The following RAD50 variants were observed in gnomAD, a reference collection of about 807,000 sequenced individuals.
RAD50 encodes the protein DNA repair protein RAD50.
In RAD50, 132 loss-of-function variants were observed where a neutral mutation model predicts 168.8. The ratio of observed to expected loss-of-function variants is 0.78; its 90% CI spans 0.68 to 0.90. The LOEUF (loss-of-function observed/expected upper bound fraction) is 0.90. Ranked by LOEUF, RAD50 falls within the 40% of genes least tolerant of loss-of-function variation. The probability of loss-of-function intolerance (pLI) is 0.00; values close to 1 mark genes in which losing one functional copy is unlikely to be tolerated. For synonymous variants in RAD50, 525 were observed against 497.4 expected (o/e 1.06, Z -0.74); for missense variants, 1,347 against 1,534.4 (o/e 0.88, Z 2.04).
intron 3 of RAD50, 115 bp from the exon 4 acceptor site, chr5:132,579,202 G>A: frequency 1.8e-6 from 2 of 1,091,962 alleles, no homozygotes; most frequent in Non-Finnish European, 2.7e-6. Context: ...TAACGGGATA[G>A]GTGAAGGGCC....
chr5:132,632,192 T>C (rs556390799), intron 21 of RAD50, among the ~76,000 whole-genome samples: 7 of 152,356 alleles, frequency 4.6e-5, no homozygotes, highest in East Asian at 1.9e-4. Flanking sequence ...GTGATTTTTT[T>C]CCTACCTTTG....
At chr5:132,585,125 T>C (rs1040749549) in intron 5 of RAD50, among the ~76,000 whole-genome samples, 2 of 152,194 alleles carry the variant, frequency 1.3e-5, no homozygotes, top group Admixed American at 6.5e-5. Context: ...TTTTCGGCTT[T>C]GGGTTGTTAC....
chr5:132,602,815 T>C (rs1750912833), intron 13 of RAD50, among the ~76,000 whole-genome samples: 1 of 152,170 alleles, frequency 6.6e-6, no homozygotes, highest in South Asian at 2.1e-4. Flanking sequence ...CCACGTAGCA[T>C]CTAGTTGTTA....
intron 13 of RAD50, among the ~76,000 whole-genome samples, chr5:132,598,388 G>C (rs560237390): frequency 8.5e-5 from 13 of 152,304 alleles, no homozygotes; most frequent in African/African-American, 2.9e-4. Context: ...TGTCTTACTC[G>C]TTGTATCTCC....
intron 2 of RAD50, among the ~76,000 whole-genome samples, chr5:132,573,298 G>C (rs1273756406): frequency 6.6e-6 from 1 of 152,144 alleles, no homozygotes; most frequent in Non-Finnish European, 1.5e-5. Flanking sequence ...ACAGTTCCAC[G>C]TGGCTGGGGA....
rs747751038 is a variant in RAD50 at position 132,591,220 on chromosome 5, C to T, written c.1453-4C>T. 2 of 1,602,630 alleles carry T rather than the reference C, an allele frequency of 1.2e-6. No individual in the cohort carries two copies. Among genetic ancestry groups the T allele is most frequent in the Non-Finnish European group, 1.7e-6 (2 of 1,169,816 alleles). On this transcript the variant is annotated splice_polypyrimidine_tract_variant and splice_region_variant and intron_variant, in intron 9 of 24. Transcript: ENST00000378823. ...CCTTTGCATTTGTATGAATTATTGA[C>T]TAGGAACGTGAGTTAAGCAAGGCTG...
rs74312035 is a variant in RAD50, at chr5:132,644,775, C to CT, written c.*2417dup. 45,008 of 157,656 alleles carry CT rather than the reference C, an allele frequency of 0.29. 7,544 individuals are homozygous for CT. The highest frequency in any genetic ancestry group is 0.48 in the African/African-American group (19,743 of 41,564). 9.8% of individuals were successfully genotyped at this position (157,656 alleles called of 1,614,324 possible). A position where few individuals can be genotyped will look rare whatever the true frequency, so the allele number is the denominator to read the frequency against. On this transcript the variant is annotated 3_prime_UTR_variant, in exon 25 of 25. Transcript: ENST00000378823. ...TAATACAACTCCTTGGCCTCTCAGT[C>CT]TTTTTTATTTTTTGAGGTGGAGTCT...
At chr5:132,640,863 T>C (rs1751706504) in intron 24 of RAD50, 58 bp downstream of exon 24, 1 of 1,610,204 alleles carries the variant, frequency 6.2e-7, no homozygotes. Context: ...GGGGACAGGT[T>C]GTGATAGTTC....
At position 132,625,212 on chromosome 5, in the gene RAD50, A is replaced by G. The variant is rs111677002; in HGVS notation, c.3389+6918A>G. On this transcript the variant is annotated intron_variant, in intron 21 of 24. Coordinates refer to ENST00000378823, the MANE Select transcript of RAD50 (RefSeq NM_005732.4). ...CGCCATTCTCCTGCCTCAGCCTCCCAAGTAGCTGGGACTACAGGCGCCCGC... is the reference window on the plus strand; with the variant it reads ...CGCCATTCTCCTGCCTCAGCCTCCCGAGTAGCTGGGACTACAGGCGCCCGC... 9.8e-3 allele frequency among the ~76,000 whole-genome samples: 1,451 copies of G among 148,770 alleles called. 29 individuals carry two copies. The highest frequency in any genetic ancestry group is 0.034 in the African/African-American group (1,382 of 40,480).
Position 132,609,132 on chromosome 5 carries a change from G to C in RAD50, c.2845G>C (p.Glu949Gln). Residue 949 changes from glutamate to glutamine, a missense_variant, in exon 18 of 25, where the codon GAG (glutamate) becomes CAG (glutamine). Coordinates refer to ENST00000378823, the MANE Select transcript of RAD50 (RefSeq NM_005732.4). ...IAQDKLNDIK[E>Q]KVKNIHGYMK... ...TTTTCTACAGCTGAATGATATTAAA[G>C]AGAAGGTTAAAAATATTCATGGCTA... The C allele has an allele frequency of 2.5e-6, 4 of 1,611,596 alleles. No individual in the cohort carries two copies. Among genetic ancestry groups the C allele is most frequent in the Non-Finnish European group, 3.4e-6 (4 of 1,179,008 alleles).
Position 132,604,968 on chromosome 5 carries a change from C to A in RAD50, c.2687C>A (p.Thr896Asn). 3 of 1,613,696 alleles carry A rather than the reference C, an allele frequency of 1.9e-6. No homozygotes were observed. Among genetic ancestry groups the A allele is most frequent in the Non-Finnish European group, 2.5e-6 (3 of 1,179,602 alleles). ...QLEEQTVELS[T>N]EVQSLYREIK... ...GAGGAGCAGACTGTGGAATTATCCA[C>A]TGAAGTTCAGTCTTTGTACAGAGAG... Residue 896 changes from threonine to asparagine, a missense_variant, in exon 16 of 25, where the codon ACT becomes AAT. Coordinates refer to ENST00000378823, the MANE Select transcript of RAD50 (RefSeq NM_005732.4).
chr5:132,619,944 G>A (rs931649935), intron 21 of RAD50, among the ~76,000 whole-genome samples: 5 of 144,128 alleles, frequency 3.5e-5, no homozygotes, highest in African/African-American at 1.3e-4. Flanking sequence ...TCACTCAGTC[G>A]CCCAGGCTGG....
intron 21 of RAD50, among the ~76,000 whole-genome samples, chr5:132,622,591 G>A (rs1384745053): frequency 6.6e-6 from 1 of 152,028 alleles, no homozygotes; most frequent in African/African-American, 2.4e-5. Flanking sequence ...GGCTTATGAT[G>A]TATTTTCTTC....
At chr5:132,589,326 G>A (rs1365917109) in intron 8 of RAD50, among the ~76,000 whole-genome samples, 1 of 152,128 alleles carries the variant, frequency 6.6e-6, no homozygotes, top group African/African-American at 2.4e-5. Context: ...TTATCATCAT[G>A]TTACAGTTGC....
chr5:132,629,493 GAACAA>G (rs756164483), intron 21 of RAD50, among the ~76,000 whole-genome samples: 1 of 152,176 alleles, frequency 6.6e-6, no homozygotes, highest in Non-Finnish European at 1.5e-5. Context: ...GCTTGTTAAG[GAACAA>G]AGCCAGGCTG....
At chr5:132,623,801 T>C (rs908360198) in intron 21 of RAD50, among the ~76,000 whole-genome samples, 4 of 152,194 alleles carry the variant, frequency 2.6e-5, no homozygotes, top group African/African-American at 9.7e-5. Flanking sequence ...AGATACAGCA[T>C]AGTCAACAGA....
chr5:132,613,594 CT>C lies in RAD50; in HGVS notation c.3037-2386del, dbSNP rs869151568. 1.9e-3 allele frequency among the ~76,000 whole-genome samples: 215 copies of C among 111,124 alleles called. 1 individual carries two copies. The highest frequency in any genetic ancestry group is 4.9e-3 in the Middle Eastern group (1 of 204). 72.9% of individuals were successfully genotyped at this position (111,124 alleles called of 152,430 possible). ...TCATTCCTTTAATCTTCACAATAGTCTTTTTTTTTTTTTTTTTTTTTTTAAA... is the reference window on the plus strand; with the variant it reads ...TCATTCCTTTAATCTTCACAATAGTCTTTTTTTTTTTTTTTTTTTTTTAAA... On this transcript the variant is annotated intron_variant, in intron 19 of 24. Transcript: ENST00000378823.
At chr5:132,625,677 C>G (rs998694317) in intron 21 of RAD50, among the ~76,000 whole-genome samples, 3 of 152,116 alleles carry the variant, frequency 2.0e-5, no homozygotes, top group Admixed American at 2.0e-4. Context: ...TTAACCATCT[C>G]CACTGCCCTT....
At chr5:132,560,622 G>GT (rs1561628923) in intron 2 of RAD50, among the ~76,000 whole-genome samples, 1 of 152,118 alleles carries the variant, frequency 6.6e-6, no homozygotes, top group Non-Finnish European at 1.5e-5. Context: ...TGCCCATACT[G>GT]TTTTTTCTTG....
Sources: allele counts gnomAD v4.1 joint callset (sites outside exome capture counted in the v4.1 genomes callset), GRCh38; gene constraint gnomAD v4.1.1; transcripts MANE v1.5; gene names NCBI Gene and HGNC (gene_info 2026-07-23, HGNC 2026-07-21).